Variants in BNC2 observed in about 807,000 individuals in gnomAD.
The protein encoded by BNC2 is basonuclin zinc finger protein 2.
BNC2 carries 20 observed loss-of-function variants against 76.3 expected under a neutral mutation model. That is an observed-to-expected ratio of 0.26 (90% confidence interval 0.18 to 0.38). The LOEUF is 0.38. Among genes scored for constraint, BNC2 ranks in the 10% least tolerant of loss-of-function variants. BNC2 has a pLI of 1.00. For synonymous variants in BNC2, 582 were observed against 514.8 expected, an observed-to-expected ratio of 1.13 and a Z score of -1.77; for missense variants, 1,382 against 1,399.8, an observed-to-expected ratio of 0.99 and a Z score of 0.20.
chr9:16,718,573 T>C (rs1256270680), intron 3 of BNC2, among the ~76,000 whole-genome samples: 1 of 152,172 alleles, frequency 6.6e-6, no homozygotes, highest in Non-Finnish European at 1.5e-5. Context: ...AATTCTAATT[T>C]ATCTGAAGTA....
rs373651878 is a variant in BNC2, at chr9:16,642,068, T to C, written c.331-58983A>G. Among the ~76,000 whole-genome samples, 27 of 152,352 alleles carry C rather than the reference T, an allele frequency of 1.8e-4. No homozygotes were observed. The East Asian group carries it at 2.3e-3, about 13-fold the overall frequency. Reference sequence around the variant, plus strand: ...TATCATCTGATTTACCATCATGTTCTATAAGCCAAAATAAGTAGTGACCCT... The same window carrying C: ...TATCATCTGATTTACCATCATGTTCCATAAGCCAAAATAAGTAGTGACCCT... On this transcript the variant is annotated intron_variant, in intron 3 of 6. Transcript: ENST00000380672.
intron 1 of BNC2, among the ~76,000 whole-genome samples, chr9:16,761,476 T>A (rs1043432919): frequency 2.6e-5 from 4 of 152,178 alleles, no homozygotes; most frequent in African/African-American, 9.7e-5. Context: ...AGAAACTGAT[T>A]CTAAAATACA....
At chr9:16,768,335 T>C (rs908687877) in intron 1 of BNC2, among the ~76,000 whole-genome samples, 2 of 152,132 alleles carry the variant, frequency 1.3e-5, no homozygotes, top group Non-Finnish European at 2.9e-5. Flanking sequence ...AGGGAAGTTA[T>C]GAGAGATGCC....
Position 16,435,609 on chromosome 9 carries a change from A to G in BNC2, c.2585T>C (p.Val862Ala). The G allele has an allele frequency of 6.2e-7, 1 of 1,614,148 alleles. No individual in the cohort carries two copies. The highest frequency in any genetic ancestry group is 8.5e-7 in the Non-Finnish European group (1 of 1,180,024). Residue 862 changes from valine to alanine, a missense_variant, in exon 6 of 7, where the codon GTC becomes GCC. Physicochemically the swap from Val to Ala is moderately conservative, Grantham distance 64. Coordinates refer to ENST00000380672, the MANE Select transcript of BNC2 (RefSeq NM_017637.6). ...YRNVHLKEMH[V>A]CTVAGCNAAF... ...AGCATTGCAACCAGCCACTGTGCAG[A>G]CGTGCATCTCTTTCAAGTGAACGTT...
chr9:16,463,497 C>T (rs1349455347), intron 5 of BNC2, among the ~76,000 whole-genome samples: 5 of 142,786 alleles, frequency 3.5e-5, no homozygotes, highest in Admixed American at 2.0e-4. Flanking sequence ...GGGGTTTCAC[C>T]GTTTTAGCCA....
chr9:16,759,442 C>G (rs572374043), intron 1 of BNC2, among the ~76,000 whole-genome samples: 1 of 151,934 alleles, frequency 6.6e-6, no homozygotes, highest in African/African-American at 2.4e-5. Context: ...TTTTTTTACA[C>G]TGAAATCTTA....
intron 4 of BNC2, among the ~76,000 whole-genome samples, chr9:16,562,105 C>G (rs978103045): frequency 9.2e-5 from 14 of 152,160 alleles, no homozygotes; most frequent in African/African-American, 3.4e-4. Flanking sequence ...GGATTTAGGA[C>G]TATGCTGGAA....
At position 16,471,499 on chromosome 9, in the gene BNC2, G is replaced by A. The variant is rs563468993; in HGVS notation, c.670-33975C>T. Reference sequence around the variant, plus strand: ...AGTAGAGACAGGGTTTCACTATGTTGGCCAGGCTGGTCTCAAACTCCTGAC... The same window carrying A: ...AGTAGAGACAGGGTTTCACTATGTTAGCCAGGCTGGTCTCAAACTCCTGAC... On this transcript the variant is annotated intron_variant, in intron 5 of 6. Coordinates refer to ENST00000380672, the MANE Select transcript of BNC2 (RefSeq NM_017637.6). 3.2e-4 allele frequency among the ~76,000 whole-genome samples: 49 copies of A among 152,124 alleles called. 1 individual carries two copies. Among genetic ancestry groups the A allele is most frequent in the East Asian group, 1.6e-3 (8 of 5,144 alleles).
Position 16,415,882 on chromosome 9 carries a change from T to C in BNC2, c.*3107A>G, listed in dbSNP as rs958172470. The stretch of plus-strand genomic sequence containing the variant: ...CTTGAGGCACAAAAGTAGTAGCAAA[T>C]AGGGGAGATACTTAAAAAGTGTCAG... On this transcript the variant is annotated 3_prime_UTR_variant, in exon 7 of 7. Transcript: ENST00000380672. 6.6e-6 allele frequency: 1 copy of C among 152,062 alleles called. No homozygotes were observed. The highest frequency in any genetic ancestry group is 1.5e-5 in the Non-Finnish European group (1 of 68,022). The allele number at this position is 152,062 out of a possible 1,614,324, so 9.4% of individuals were successfully genotyped here.
chr9:16,678,274 T>C (rs903683280), intron 3 of BNC2, among the ~76,000 whole-genome samples: 22 of 121,138 alleles, frequency 1.8e-4, no homozygotes, highest in Admixed American at 1.4e-3. Flanking sequence ...TTTCTTTTTT[T>C]TTTTTTTTTT....
At chr9:16,634,880 A>C (rs1821276452) in intron 3 of BNC2, among the ~76,000 whole-genome samples, 1 of 111,538 alleles carries the variant, frequency 9.0e-6, no homozygotes, top group Admixed American at 7.8e-5. Context: ...CATACTAATA[A>C]AGGTGTTTTT....
chr9:16,689,163 C>CAAAAA (rs58620248), intron 3 of BNC2, among the ~76,000 whole-genome samples: 7 of 50,490 alleles, frequency 1.4e-4, no homozygotes, highest in African/African-American at 1.9e-4. Flanking sequence ...ACTGAGATCA[C>CAAAAA]AAAAAAAAAA....
chr9:16,702,297 A>G (rs1264039638), intron 3 of BNC2, among the ~76,000 whole-genome samples: 2 of 152,214 alleles, frequency 1.3e-5, no homozygotes, highest in Non-Finnish European at 2.9e-5. Flanking sequence ...TTCAAGATCC[A>G]CTATCAAATG....
chr9:16,620,558 G>C (rs938828197), intron 3 of BNC2, among the ~76,000 whole-genome samples: 1 of 151,972 alleles, frequency 6.6e-6, no homozygotes, highest in African/African-American at 2.4e-5. Flanking sequence ...TCTACATACA[G>C]CATCAAAACA....
In BNC2 at chr9:16,645,110, T is replaced by C. The variant is rs113500735; in HGVS notation, c.331-62025A>G. The stretch of plus-strand genomic sequence containing the variant: ...ACACATACAAGAATTTCTCTAGTCC[T>C]TGTCTATGACTTGCAGGTAAAAAAG... On this transcript the variant is annotated intron_variant, in intron 3 of 6. Transcript: ENST00000380672. Among the ~76,000 whole-genome samples the C allele has an allele frequency of 8.0e-4, 122 of 152,340 alleles. 1 individual carries two copies. The highest frequency in any genetic ancestry group is 2.6e-3 in the African/African-American group (108 of 41,584).
At chr9:16,481,319 C>G (rs545853390) in intron 5 of BNC2, among the ~76,000 whole-genome samples, 1 of 152,108 alleles carries the variant, frequency 6.6e-6, no homozygotes, top group East Asian at 1.9e-4. Flanking sequence ...GCAACCCGCT[C>G]GGGTCCCCTT....
chr9:16,855,639 G>A (rs1017439082), intron 1 of BNC2, among the ~76,000 whole-genome samples: 1 of 151,962 alleles, frequency 6.6e-6, no homozygotes, highest in African/African-American at 2.4e-5. Context: ...CCGGGTTCAC[G>A]CCATTCTCCT....
chr9:16,416,155 A>G lies in BNC2; in HGVS notation c.*2834T>C, dbSNP rs1326255067. On this transcript the variant is annotated 3_prime_UTR_variant, in exon 7 of 7. Transcript: ENST00000380672. ...CTGACCTTTTATTTGACATTAAATTAAACAGACTAAACATTGCTGTTGTAC... is the reference window on the plus strand; with the variant it reads ...CTGACCTTTTATTTGACATTAAATTGAACAGACTAAACATTGCTGTTGTAC... 1.3e-5 allele frequency: 2 copies of G among 152,236 alleles called. No individual in the cohort carries two copies. Among genetic ancestry groups the G allele is most frequent in the African/African-American group, 4.8e-5 (2 of 41,462 alleles). 9.4% of individuals were successfully genotyped at this position (152,236 alleles called of 1,614,324 possible).
intron 5 of BNC2, among the ~76,000 whole-genome samples, chr9:16,479,412 C>A (rs1821998915): frequency 6.6e-6 from 1 of 152,044 alleles, no homozygotes; most frequent in South Asian, 2.1e-4. Flanking sequence ...GAATACAGCA[C>A]CTAGCAAAAG....
Sources: allele counts gnomAD v4.1 joint callset (sites outside exome capture counted in the v4.1 genomes callset), GRCh38; gene constraint gnomAD v4.1.1; transcripts MANE v1.5; gene names NCBI Gene and HGNC (gene_info 2026-07-23, HGNC 2026-07-21).